Variants in ASCC3 observed in about 807,000 individuals in gnomAD.
ASCC3 encodes the protein activating signal cointegrator 1 complex subunit 3.
In ASCC3, 158 loss-of-function variants were observed where a neutral mutation model predicts 256.3. That is an observed-to-expected ratio of 0.62 (90% confidence interval 0.54 to 0.70). The LOEUF (loss-of-function observed/expected upper bound fraction) is 0.70. ASCC3 is among the 30% of genes least tolerant of loss of function. The probability of loss-of-function intolerance (pLI) is 0.00; values close to 1 mark genes in which losing one functional copy is unlikely to be tolerated. For missense variants in ASCC3, 2,259 were observed against 2,626.0 expected, an observed-to-expected ratio of 0.86 and a Z score of 3.05; for synonymous variants, 948 against 883.4, an observed-to-expected ratio of 1.07 and a Z score of -1.30.
intron 1 of ASCC3, among the ~76,000 whole-genome samples, chr6:100,880,306 A>G (rs1012278501): frequency 2.0e-5 from 3 of 152,244 alleles, no homozygotes; most frequent in Non-Finnish European, 4.4e-5. Context: ...ATTTCAATCT[A>G]TGAAACATAA....
chr6:100,863,794 TG>T (rs1185238107), intron 3 of ASCC3, among the ~76,000 whole-genome samples: 1 of 152,070 alleles, frequency 6.6e-6, no homozygotes, highest in Non-Finnish European at 1.5e-5. Flanking sequence ...TTATTTTATT[TG>T]TATTTTTAGT....
intron 36 of ASCC3, among the ~76,000 whole-genome samples, chr6:100,581,451 T>G (rs2114748590): frequency 6.6e-6 from 1 of 152,248 alleles, no homozygotes. Context: ...TCTTGTAAAT[T>G]TGTTTAAGTT....
intron 36 of ASCC3, among the ~76,000 whole-genome samples, chr6:100,554,700 G>A (rs978740613): frequency 2.6e-5 from 4 of 152,150 alleles, no homozygotes; most frequent in Non-Finnish European, 4.4e-5. Context: ...AAATTTCCCT[G>A]ATAGGAATCC....
chr6:100,741,990 T>G (rs1780456557), intron 10 of ASCC3, among the ~76,000 whole-genome samples: 1 of 152,206 alleles, frequency 6.6e-6, no homozygotes, highest in South Asian at 2.1e-4. Flanking sequence ...CTTTCTCATC[T>G]TTGCGGGCTT....
intron 10 of ASCC3, among the ~76,000 whole-genome samples, chr6:100,744,291 G>A (rs188952111): frequency 1.3e-5 from 2 of 152,194 alleles, no homozygotes; most frequent in Admixed American, 6.5e-5. Context: ...GGAGAATGGA[G>A]GAGTAGGGGC....
At chr6:100,596,366 T>C (rs1431351527) in intron 34 of ASCC3, among the ~76,000 whole-genome samples, 8 of 152,208 alleles carry the variant, frequency 5.3e-5, no homozygotes, top group Admixed American at 4.6e-4. Flanking sequence ...TTAAATCCTC[T>C]TTTTTATGAA....
At chr6:100,714,465 C>T (rs1400767873) in intron 13 of ASCC3, among the ~76,000 whole-genome samples, 1 of 151,980 alleles carries the variant, frequency 6.6e-6, no homozygotes, top group Non-Finnish European at 1.5e-5. Flanking sequence ...TCTGAAAGTG[C>T]ACTAGCAGAA....
chr6:100,666,883 A>G (rs1313780079), intron 14 of ASCC3, among the ~76,000 whole-genome samples: 1 of 152,186 alleles, frequency 6.6e-6, no homozygotes, highest in Non-Finnish European at 1.5e-5. Context: ...AGAATCAAAG[A>G]GAAGATCAAT....
intron 37 of ASCC3, among the ~76,000 whole-genome samples, chr6:100,518,557 GAT>G (rs1432638579): frequency 6.6e-6 from 1 of 152,106 alleles, no homozygotes; most frequent in African/African-American, 2.4e-5. Context: ...ATGGTAAGGA[GAT>G]AGTTTTTCTT....
At chr6:100,563,861 A>C (rs563601236) in intron 36 of ASCC3, among the ~76,000 whole-genome samples, 1 of 152,226 alleles carries the variant, frequency 6.6e-6, no homozygotes, top group South Asian at 2.1e-4. Context: ...TTACTAATGA[A>C]AGCTAGCAAC....
chr6:100,730,778 T>C (rs1779863854), intron 10 of ASCC3, among the ~76,000 whole-genome samples: 1 of 152,166 alleles, frequency 6.6e-6, no homozygotes, highest in Non-Finnish European at 1.5e-5. Context: ...TACCTGCCCC[T>C]TGGGACTCTA....
chr6:100,853,983 T>G (rs1772817024), intron 3 of ASCC3, among the ~76,000 whole-genome samples: 1 of 152,166 alleles, frequency 6.6e-6, no homozygotes, highest in African/African-American at 2.4e-5. Flanking sequence ...CATGTCCCCA[T>G]AATTTTTCCC....
chr6:100,878,754 A>G (rs575544450), intron 1 of ASCC3, among the ~76,000 whole-genome samples: 13 of 152,192 alleles, frequency 8.5e-5, no homozygotes, highest in Non-Finnish European at 1.9e-4. Flanking sequence ...GAAAAAACTC[A>G]AACCGTTTTT....
chr6:100,669,309 A>T (rs1049085031), intron 14 of ASCC3, among the ~76,000 whole-genome samples: 3 of 149,812 alleles, frequency 2.0e-5, no homozygotes, highest in African/African-American at 7.3e-5. Context: ...AAGTTTTATA[A>T]AAAGACATAT....
intron 13 of ASCC3, among the ~76,000 whole-genome samples, chr6:100,686,322 C>T (rs753727896): frequency 6.6e-6 from 1 of 152,016 alleles, no homozygotes; most frequent in Non-Finnish European, 1.5e-5. Context: ...TTACATAGTT[C>T]AAAATTAGAA....
intron 13 of ASCC3, among the ~76,000 whole-genome samples, chr6:100,684,889 C>T (rs1431734329): frequency 1.4e-5 from 2 of 143,968 alleles, no homozygotes; most frequent in Non-Finnish European, 3.0e-5. Flanking sequence ...TCACTGCAAA[C>T]TCCGCCTCCC....
intron 8 of ASCC3, among the ~76,000 whole-genome samples, chr6:100,787,426 G>A (rs1769138651): frequency 6.6e-6 from 1 of 152,078 alleles, no homozygotes; most frequent in Non-Finnish European, 1.5e-5. Flanking sequence ...TAATCTTTGT[G>A]GTTTGGAGGG....
At chr6:100,724,963 C>T (rs1779556480) in intron 11 of ASCC3, among the ~76,000 whole-genome samples, 1 of 151,884 alleles carries the variant, frequency 6.6e-6, no homozygotes, top group Non-Finnish European at 1.5e-5. Flanking sequence ...GCAATATTTC[C>T]CACTAGTAAT....
At position 100,696,315 on chromosome 6, in the gene ASCC3, T is replaced by C. The variant is rs143986661; in HGVS notation, c.2152-16563A>G. 5.1e-4 allele frequency among the ~76,000 whole-genome samples: 77 copies of C among 152,284 alleles called. No individual in the cohort carries two copies. The East Asian group carries it at 0.011, about 22-fold the overall frequency. The stretch of plus-strand genomic sequence containing the variant: ...ACAAATGTATAATGGTTAATCATAT[T>C]TGAATATTTATCTCCTTTTTTTCAC... On this transcript the variant is annotated intron_variant, in intron 13 of 41. Transcript: ENST00000369162.
Sources: allele counts gnomAD v4.1 joint callset (sites outside exome capture counted in the v4.1 genomes callset), GRCh38; gene constraint gnomAD v4.1.1; transcripts MANE v1.5; gene names NCBI Gene and HGNC (gene_info 2026-07-23, HGNC 2026-07-21).